Variants in GALNTL6 observed in about 807,000 individuals in gnomAD.
The protein encoded by GALNTL6 is polypeptide N-acetylgalactosaminyltransferase like 6.
In GALNTL6, 46 loss-of-function variants were observed where a neutral mutation model predicts 73.7. That is an observed-to-expected ratio of 0.62 (90% CI 0.49 to 0.80). GALNTL6 has a LOEUF of 0.80. Among genes scored for constraint, GALNTL6 ranks in the 30% least tolerant of loss-of-function variants. The probability of loss-of-function intolerance (pLI) is 0.00; values close to 1 mark genes in which losing one functional copy is unlikely to be tolerated. For synonymous variants in GALNTL6, 259 were observed against 263.7 expected (o/e 0.98, Z 0.17); for missense variants, 604 against 755.0 (o/e 0.80, Z 2.34).
chr4:172,059,209 A>G (rs968264325), intron 2 of GALNTL6, among the ~76,000 whole-genome samples: 5 of 152,202 alleles, frequency 3.3e-5, no homozygotes, highest in Non-Finnish European at 7.3e-5. Context: ...CTCTATGAGA[A>G]GGAAGCTGTT....
chr4:172,470,822 A>ACGTATT (rs1733019517), intron 5 of GALNTL6, among the ~76,000 whole-genome samples: 1 of 152,144 alleles, frequency 6.6e-6, no homozygotes, highest in Non-Finnish European at 1.5e-5. Flanking sequence ...ACCTTCATAC[A>ACGTATT]CGTATTCGTG....
At chr4:172,910,701 G>C (rs1378712800) in intron 8 of GALNTL6, among the ~76,000 whole-genome samples, 1 of 152,202 alleles carries the variant, frequency 6.6e-6, no homozygotes, top group Non-Finnish European at 1.5e-5. Flanking sequence ...AAACTTCCAA[G>C]CTAAAGGAAG....
intron 5 of GALNTL6, among the ~76,000 whole-genome samples, chr4:172,621,981 C>G (rs1490038674): frequency 1.3e-5 from 2 of 152,078 alleles, no homozygotes; most frequent in African/African-American, 2.4e-5. Context: ...TATCCAGGGT[C>G]CCACTCCTCC....
At chr4:172,115,526 A>G (rs901988937) in intron 2 of GALNTL6, among the ~76,000 whole-genome samples, 2 of 152,178 alleles carry the variant, frequency 1.3e-5, no homozygotes, top group African/African-American at 4.8e-5. Context: ...ATTCCAAAAT[A>G]TTGGTTTCAC....
chr4:171,939,103 A>AG (rs1553972118), intron 2 of GALNTL6, among the ~76,000 whole-genome samples: 2 of 151,476 alleles, frequency 1.3e-5, no homozygotes, highest in Non-Finnish European at 2.9e-5. Context: ...GAAAAAAAAA[A>AG]CAATTAAATC....
At chr4:172,765,881 AG>A (rs1738377421) in intron 5 of GALNTL6, among the ~76,000 whole-genome samples, 1 of 149,746 alleles carries the variant, frequency 6.7e-6, no homozygotes, top group Admixed American at 6.7e-5. Context: ...GAAAAAAAAA[AG>A]CATATAAAAT....
At chr4:171,854,935 C>T (rs1206451307) in intron 2 of GALNTL6, among the ~76,000 whole-genome samples, 1 of 152,202 alleles carries the variant, frequency 6.6e-6, no homozygotes, top group Non-Finnish European at 1.5e-5. Flanking sequence ...TGGGATCAGA[C>T]ATAAGCTATG....
chr4:172,648,189 A>G (rs1740324021), intron 5 of GALNTL6, among the ~76,000 whole-genome samples: 1 of 152,100 alleles, frequency 6.6e-6, no homozygotes, highest in African/African-American at 2.4e-5. Context: ...GGCTTCCATG[A>G]GCTGGGCTAC....
At chr4:172,402,523 G>C in intron 5 of GALNTL6, among the ~76,000 whole-genome samples, 1 of 152,074 alleles carries the variant, frequency 6.6e-6, no homozygotes, top group Admixed American at 6.6e-5. Context: ...AAAGAGAAAA[G>C]ATTACGTTTT....
At chr4:171,831,430 C>T (rs1734966961) in intron 2 of GALNTL6, among the ~76,000 whole-genome samples, 1 of 151,938 alleles carries the variant, frequency 6.6e-6, no homozygotes, top group African/African-American at 2.4e-5. Context: ...CAACTTTTCT[C>T]ATAATGCTAA....
intron 5 of GALNTL6, among the ~76,000 whole-genome samples, chr4:172,751,557 A>G (rs1184115332): frequency 6.6e-6 from 1 of 152,246 alleles, no homozygotes; most frequent in Non-Finnish European, 1.5e-5. Context: ...TTGCAAAGAA[A>G]GGCAGTGAAA....
At chr4:172,036,887 A>C (rs1185280568) in intron 2 of GALNTL6, among the ~76,000 whole-genome samples, 5 of 152,164 alleles carry the variant, frequency 3.3e-5, no homozygotes, top group Non-Finnish European at 7.4e-5. Context: ...CTATTCTGTC[A>C]GCACTGAAAG....
intron 2 of GALNTL6, among the ~76,000 whole-genome samples, chr4:172,177,791 A>T (rs199708319): frequency 9.8e-6 from 1 of 101,738 alleles, no homozygotes; most frequent in Non-Finnish European, 2.1e-5. Context: ...ACACATGTGT[A>T]TATATATACA....
chr4:172,382,964 T>C lies in GALNTL6; in HGVS notation c.553+34275T>C, dbSNP rs536238480. On this transcript the variant is annotated intron_variant, in intron 5 of 12. Transcript: ENST00000506823. ...AAATCAAACGATCATAAATGTAAGC[T>C]ATATTTCTGGATGCTCAATTCTATT... Among the ~76,000 whole-genome samples the C allele has an allele frequency of 3.9e-5, 6 of 152,290 alleles. No homozygotes were observed. In the South Asian group the frequency reaches 8.3e-4, roughly 21 times the overall value.
intron 5 of GALNTL6, among the ~76,000 whole-genome samples, chr4:172,487,366 CCTT>C (rs1733731353): frequency 1.0e-5 from 1 of 100,500 alleles, no homozygotes; most frequent in African/African-American, 3.6e-5. Context: ...TTCCTTCTTT[CCTT>C]CTTTTCTTTT....
At chr4:172,447,081 A>T (rs1429568622) in intron 5 of GALNTL6, among the ~76,000 whole-genome samples, 1 of 152,320 alleles carries the variant, frequency 6.6e-6, no homozygotes, top group East Asian at 1.9e-4. Context: ...AAGAGAAGAT[A>T]GGTGAAGAGA....
chr4:172,229,225 G>A (rs1464592052), intron 2 of GALNTL6, among the ~76,000 whole-genome samples: 1 of 152,106 alleles, frequency 6.6e-6, no homozygotes, highest in Non-Finnish European at 1.5e-5. Context: ...TCAATGAATG[G>A]TTGCTAATGT....
intron 2 of GALNTL6, among the ~76,000 whole-genome samples, chr4:172,206,778 TTTTGTTTTGTTTTGTTTTGTTTTTC>T (rs1736125726): frequency 2.4e-5 from 2 of 82,472 alleles, no homozygotes; most frequent in East Asian, 1.1e-3. Context: ...GAAACGTGTT[TTTTGTTTTGTTTTGTTTTGTTTTTC>T]TGTTTTTTTT....
rs575060404 is a variant in GALNTL6 at position 172,246,710 on chromosome 4, G to A, written c.247+16946G>A. On this transcript the variant is annotated intron_variant, in intron 3 of 12. Transcript: ENST00000506823. ...CATGTTTCTCACAAAAACTCTATGA[G>A]GCGTAAATGGTCAAATATTAATCCT... 4.6e-5 allele frequency among the ~76,000 whole-genome samples: 7 copies of A among 151,282 alleles called. No individual in the cohort carries two copies. The South Asian group carries it at 6.2e-4, about 13-fold the overall frequency.
Sources: allele counts gnomAD v4.1 joint callset (sites outside exome capture counted in the v4.1 genomes callset), GRCh38; gene constraint gnomAD v4.1.1; transcripts MANE v1.5; gene names NCBI Gene and HGNC (gene_info 2026-07-23, HGNC 2026-07-21).